Variants in PFKL observed in about 807,000 individuals in gnomAD.
The protein encoded by PFKL is ATP-dependent 6-phosphofructokinase, liver type.
In PFKL, 74 loss-of-function variants were observed where a neutral mutation model predicts 92.1. The observed-to-expected ratio is 0.80, with a 90% confidence interval of 0.67 to 0.97. The LOEUF is 0.97. PFKL is among the 50% of genes least tolerant of loss of function. The pLI is 0.00. For missense variants in PFKL, 1,028 were observed against 1,116.6 expected, an observed-to-expected ratio of 0.92 and a Z score of 1.13; for synonymous variants, 494 against 456.4, an observed-to-expected ratio of 1.08 and a Z score of -1.05.
intron 19 of PFKL, 67 bp downstream of exon 19, chr21:44,325,331 C>G: frequency 1.8e-6 from 2 of 1,138,630 alleles, no homozygotes; most frequent in South Asian, 2.5e-5. Flanking sequence ...TCCCCGGCCC[C>G]AGGGGTCCCA....
chr21:44,307,174 C>G, intron 2 of PFKL: 1 of 623,118 alleles, frequency 1.6e-6, no homozygotes, highest in Non-Finnish European at 2.0e-6. Context: ...CCCTTGTCCT[C>G]CCCAGCCTCC....
At chr21:44,305,271 C>G (rs1262348353) in intron 1 of PFKL, 1 of 1,343,778 alleles carries the variant, frequency 7.4e-7, no homozygotes. Context: ...GGCACCTCAC[C>G]TCACACCTGC....
intron 16 of PFKL, 144 bp downstream of exon 16, chr21:44,324,062 T>G (rs1276914819): frequency 1.1e-6 from 1 of 906,636 alleles, no homozygotes; most frequent in Non-Finnish European, 1.7e-6. Flanking sequence ...CAGGCCCGGG[T>G]GAAGGGGCTC....
At chr21:44,300,724 TGGGCTGCCC>T (rs2040749589) in intron 1 of PFKL, among the ~76,000 whole-genome samples, 1 of 130,566 alleles carries the variant, frequency 7.7e-6, no homozygotes, top group Non-Finnish European at 1.6e-5. Flanking sequence ...GGTGGGGAGA[TGGGCTGCCC>T]GGGGCATTGA....
intron 1 of PFKL, among the ~76,000 whole-genome samples, chr21:44,303,232 C>G (rs761692303): frequency 3.8e-5 from 5 of 131,458 alleles, no homozygotes; most frequent in Non-Finnish European, 7.8e-5. Flanking sequence ...GACTCTGTTG[C>G]AAAAAACAAA....
At chr21:44,312,395 GCCCC>G in intron 4 of PFKL, 101 bp downstream of exon 4, 1 of 1,151,050 alleles carries the variant, frequency 8.7e-7, no homozygotes, top group Non-Finnish European at 1.2e-6. Flanking sequence ...ATCCCTGGGT[GCCCC>G]GAGGCAGAGG....
intron 12 of PFKL, 24 bp from the exon 13 acceptor site, chr21:44,321,705 G>T: frequency 6.6e-7 from 1 of 1,521,910 alleles, no homozygotes. Flanking sequence ...TGTGCCTCAC[G>T]CTCATCTCCC....
At chr21:44,307,721 A>AGGCTGGGGTGG (rs11269292) in intron 2 of PFKL, among the ~76,000 whole-genome samples, 106,502 of 151,682 alleles carry the variant, frequency 0.7, 37,672 homozygotes, top group African/African-American at 0.79. Context: ...CCCTGTGGCC[A>AGGCTGGGGTGG]GGCTGGGGCC....
At chr21:44,319,628 C>G (rs1231424327) in intron 11 of PFKL, 4 of 595,424 alleles carry the variant, frequency 6.7e-6, no homozygotes, top group Non-Finnish European at 1.2e-5. Context: ...ACGGGCAGGG[C>G]CCAGTGCACA....
At chr21:44,326,433 A>T (rs2047512290) in intron 21 of PFKL, among the ~76,000 whole-genome samples, 169 bp downstream of exon 21, 1 of 152,106 alleles carries the variant, frequency 6.6e-6, no homozygotes. Flanking sequence ...GACCATGCCC[A>T]AGTCTTCTGA....
chr21:44,323,894 C>T lies in PFKL; in HGVS notation c.1626C>T (p.Asp542=). ...VPGTDFSLGS[D]TAVNAAMESC... ...GCACCGACTTCAGCCTGGGCTCCGA[C>T]ACTGCTGTAAATGCCGCCATGGAGG... is the stretch of plus-strand genomic sequence containing the variant. The change falls in exon 16 of 22, where the codon GAC becomes GAT. Residue 542 remains aspartate, a synonymous_variant. Coordinates refer to ENST00000349048, the MANE Select transcript of PFKL (RefSeq NM_002626.6). 1 of 1,613,510 alleles carries T rather than the reference C, an allele frequency of 6.2e-7. No individual in the cohort carries two copies. Among genetic ancestry groups the T allele is most frequent in the Non-Finnish European group, 8.5e-7 (1 of 1,179,960 alleles).
At chr21:44,318,716 T>G in intron 10 of PFKL, 121 bp downstream of exon 10, 16 of 692,502 alleles carry the variant, frequency 2.3e-5, no homozygotes, top group East Asian at 1.5e-4. Context: ...GCCTCGTGGC[T>G]GGCCCAGGGC....
chr21:44,326,325 T>C (rs1370480361), intron 21 of PFKL, 61 bp downstream of exon 21: 8 of 1,299,800 alleles, frequency 6.2e-6, no homozygotes, highest in Non-Finnish European at 7.6e-6. Context: ...AGACCTTCCC[T>C]GAGGCAGGTG....
chr21:44,309,930 C>G (rs945492810), intron 2 of PFKL, among the ~76,000 whole-genome samples: 1 of 152,236 alleles, frequency 6.6e-6, no homozygotes, highest in African/African-American at 2.4e-5. Context: ...CCCCGCAGCG[C>G]GCACTATCCC....
rs150889276 is a variant in PFKL at position 44,327,228 on chromosome 21, G to A, written c.*366G>A. On this transcript the variant is annotated 3_prime_UTR_variant, in exon 22 of 22. Coordinates refer to ENST00000349048, the MANE Select transcript of PFKL (RefSeq NM_002626.6). ...GGGCCAGCCCTTGCTCTACCTGGCC[G>A]GTAGGCTGCTGGCGCCTAGGTTGTG... 0.025 allele frequency: 7,013 copies of A among 280,586 alleles called. 148 individuals are homozygous for A. The highest frequency in any genetic ancestry group is 0.037 in the Non-Finnish European group (5,379 of 144,308). The allele number at this position is 280,586 out of a possible 1,614,324, so 17.4% of individuals were successfully genotyped here. A position where few individuals can be genotyped will look rare whatever the true frequency, so the allele number is the denominator to read the frequency against.
chr21:44,301,447 G>C (rs1270828672), intron 1 of PFKL, among the ~76,000 whole-genome samples: 4 of 131,034 alleles, frequency 3.1e-5, no homozygotes, highest in African/African-American at 1.4e-4. Context: ...CCGTGTTGTC[G>C]AGAGGGGAGG....
In PFKL at chr21:44,314,209, G is replaced by A; in HGVS notation, c.747+188G>A. On this transcript the variant is annotated intron_variant, in intron 7 of 21. Transcript: ENST00000349048. ...CGGGGCTGACCTCAGTGAGGCACCT[G>A]TGGTCCTGCCCCCAGTGGGCAGGAG... 3 of 592,488 alleles carry A rather than the reference G, an allele frequency of 5.1e-6. 1 individual carries two copies. In the South Asian group the frequency reaches 6.2e-5, roughly 12 times the overall value. The allele number at this position is 592,488 out of a possible 1,614,324, so 36.7% of individuals were successfully genotyped here.
intron 5 of PFKL, among the ~76,000 whole-genome samples, 169 bp downstream of exon 5, chr21:44,313,312 C>T (rs951452376): frequency 3.3e-5 from 5 of 152,236 alleles, no homozygotes; most frequent in African/African-American, 1.2e-4. Context: ...GGGCTCCACT[C>T]CCACTCTGCC....
Position 44,316,673 on chromosome 21 carries a change from T to C in PFKL, c.936+149T>C, listed in dbSNP as rs111388633. ...CCGTGTCTGTGTGTGGGGGTGTATG[T>C]GTGGGGGACGCGTGGTCCTTGTGGG... On this transcript the variant is annotated intron_variant, in intron 9 of 21. Coordinates refer to ENST00000349048, the MANE Select transcript of PFKL (RefSeq NM_002626.6). 2,011 of 633,008 alleles carry C rather than the reference T, an allele frequency of 3.2e-3. 29 individuals are homozygous for C. In the African/African-American group the frequency reaches 0.032, roughly 10 times the overall value. The allele number at this position is 633,008 out of a possible 1,614,324, so 39.2% of individuals were successfully genotyped here.
Sources: allele counts gnomAD v4.1 joint callset (sites outside exome capture counted in the v4.1 genomes callset), GRCh38; gene constraint gnomAD v4.1.1; transcripts MANE v1.5; gene names NCBI Gene and HGNC (gene_info 2026-07-23, HGNC 2026-07-21).